TBCK: variants seen among roughly 807,000 people sequenced by gnomAD.
TBCK encodes the protein TBC1 domain containing kinase.
A neutral mutation model predicts 113.4 loss-of-function variants in TBCK; 99 were observed. The observed-to-expected ratio is 0.87, with a 90% CI of 0.74 to 1.03. The LOEUF is 1.03. TBCK is among the 50% of genes least tolerant of loss of function. The pLI is 0.00. For synonymous variants in TBCK, 369 were observed against 370.8 expected (o/e 1.00, Z 0.05); for missense variants, 1,045 against 1,061.3 (o/e 0.98, Z 0.21).
chr4:106,287,401 G>A (rs185399621), intron 3 of TBCK, among the ~76,000 whole-genome samples: 1 of 152,186 alleles, frequency 6.6e-6, no homozygotes, highest in East Asian at 1.9e-4. Flanking sequence ...AAAAGTATTT[G>A]TATGGTCTCT....
upstream of TBCK, chr4:106,316,314 C>T (rs535296760): frequency 2.9e-5 from 14 of 476,198 alleles, no homozygotes; most frequent in Non-Finnish European, 4.9e-5. Context: ...CCAAACTGGC[C>T]ACGAAAGGAC....
intron 19 of TBCK, among the ~76,000 whole-genome samples, chr4:106,223,115 A>G (rs1297687278): frequency 6.6e-6 from 1 of 152,140 alleles, no homozygotes; most frequent in Non-Finnish European, 1.5e-5. Flanking sequence ...TATATACTAC[A>G]ATCTCCAAAT....
rs1455644988 is a variant in TBCK, at chr4:106,063,432, T to C, written c.2572-16752A>G. ...ATATTAATCTGAAGAACTAGATAGA[T>C]ACTATCTGGAGCTAGAGAAGTTTAA... On this transcript the variant is annotated intron_variant, in intron 25 of 25. Coordinates refer to ENST00000394708, the MANE Select transcript of TBCK (RefSeq NM_001163435.3). 2.6e-5 allele frequency among the ~76,000 whole-genome samples: 4 copies of C among 151,980 alleles called. No individual in the cohort carries two copies. The East Asian group carries it at 7.8e-4, about 29-fold the overall frequency.
At chr4:106,223,318 C>T (rs1321983519) in intron 19 of TBCK, among the ~76,000 whole-genome samples, 1 of 152,102 alleles carries the variant, frequency 6.6e-6, no homozygotes, top group Non-Finnish European at 1.5e-5. Flanking sequence ...TTTTATACCC[C>T]ACCTTTGACA....
intron 20 of TBCK, among the ~76,000 whole-genome samples, chr4:106,208,375 T>A (rs1755765891): frequency 6.6e-6 from 1 of 152,088 alleles, no homozygotes; most frequent in African/African-American, 2.4e-5. Flanking sequence ...CCTAATTAGT[T>A]TTTTACACTG....
intron 25 of TBCK, among the ~76,000 whole-genome samples, chr4:106,069,880 C>T (rs1363828864): frequency 6.6e-6 from 1 of 152,068 alleles, no homozygotes; most frequent in Non-Finnish European, 1.5e-5. Context: ...AGTTGGATTC[C>T]TAGGTATTTC....
At chr4:106,225,466 TTG>T (rs1758132889) in intron 19 of TBCK, among the ~76,000 whole-genome samples, 2 of 149,474 alleles carry the variant, frequency 1.3e-5, no homozygotes, top group African/African-American at 2.4e-5. Flanking sequence ...GGTCTTTTTT[TTG>T]TTTGTTTTTG....
chr4:106,204,115 C>T (rs1485488710), intron 20 of TBCK, among the ~76,000 whole-genome samples: 1 of 151,920 alleles, frequency 6.6e-6, no homozygotes, highest in African/African-American at 2.4e-5. Context: ...AGAACAATAC[C>T]CCTTAACAAT....
chr4:106,227,828 T>C (rs1199626546), intron 19 of TBCK, among the ~76,000 whole-genome samples: 3 of 151,886 alleles, frequency 2.0e-5, no homozygotes, highest in Non-Finnish European at 4.4e-5. Context: ...ACACAGAATC[T>C]TGTTGAAAGG....
chr4:106,097,979 T>G lies in TBCK; in HGVS notation c.2412-2338A>C, dbSNP rs546209635. Reference sequence around the variant, plus strand: ...AAATCTGGCAAGGAAAGAGACATGATAGAGAATATGTTGAGATAAGCACAT... The same window carrying G: ...AAATCTGGCAAGGAAAGAGACATGAGAGAGAATATGTTGAGATAAGCACAT... On this transcript the variant is annotated intron_variant, in intron 24 of 25. Coordinates refer to ENST00000394708, the MANE Select transcript of TBCK (RefSeq NM_001163435.3). Among the ~76,000 whole-genome samples, 3 of 152,150 alleles carry G rather than the reference T, an allele frequency of 2.0e-5. No individual in the cohort carries two copies. In the East Asian group the frequency reaches 5.8e-4, roughly 29 times the overall value.
At position 106,080,855 on chromosome 4, in the gene TBCK, CA is replaced by C. The variant is rs1237180340; in HGVS notation, c.2571+14626del. 2.0e-5 allele frequency among the ~76,000 whole-genome samples: 3 copies of C among 151,940 alleles called. No individual in the cohort carries two copies. In the East Asian group the frequency reaches 5.8e-4, roughly 29 times the overall value. ...AAAAAAAAACCCATTAGAAAGTGGA[CA>C]AAAAACATGAACAGATACCTCTCAA... On this transcript the variant is annotated intron_variant, in intron 25 of 25. Coordinates refer to ENST00000394708, the MANE Select transcript of TBCK (RefSeq NM_001163435.3).
intron 20 of TBCK, among the ~76,000 whole-genome samples, chr4:106,209,498 A>T (rs1380449626): frequency 1.3e-5 from 2 of 152,158 alleles, no homozygotes; most frequent in Admixed American, 6.5e-5. Context: ...TTTCTTAGAT[A>T]AAAAAATACA....
intron 6 of TBCK, 87 bp downstream of exon 6, chr4:106,251,779 C>A: frequency 1.7e-6 from 2 of 1,178,568 alleles, no homozygotes; most frequent in South Asian, 5.8e-5. Flanking sequence ...ACAGCAAAAA[C>A]ATACTATTAT....
intron 17 of TBCK, among the ~76,000 whole-genome samples, chr4:106,232,134 A>T (rs72891675): frequency 0.027 from 4,095 of 151,936 alleles, 179 homozygotes; most frequent in African/African-American, 0.094. Context: ...TTTCTCATCT[A>T]GGACATGGAG....
chr4:106,086,510 G>A (rs993604460), intron 25 of TBCK, among the ~76,000 whole-genome samples: 1 of 152,158 alleles, frequency 6.6e-6, no homozygotes, highest in Non-Finnish European at 1.5e-5. Flanking sequence ...AATACAAAGA[G>A]GAGCTGGTAC....
intron 25 of TBCK, among the ~76,000 whole-genome samples, chr4:106,093,475 C>A (rs908119271): frequency 1.3e-5 from 2 of 152,176 alleles, no homozygotes; most frequent in Non-Finnish European, 2.9e-5. Flanking sequence ...CCACTGCACT[C>A]CAGCCTGGGC....
chr4:106,217,374 T>A (rs1036971220), intron 19 of TBCK, among the ~76,000 whole-genome samples: 10 of 152,034 alleles, frequency 6.6e-5, no homozygotes, highest in African/African-American at 2.4e-4. Context: ...CCAGGGCAAT[T>A]AGGCAGGAGA....
intron 3 of TBCK, among the ~76,000 whole-genome samples, chr4:106,273,884 G>T (rs1763751513): frequency 6.6e-6 from 1 of 152,226 alleles, no homozygotes. Flanking sequence ...CTAATTTGTT[G>T]CAGTAGCCAT....
chr4:106,078,579 C>T (rs1738496830), intron 25 of TBCK, among the ~76,000 whole-genome samples: 1 of 151,884 alleles, frequency 6.6e-6, no homozygotes, highest in African/African-American at 2.4e-5. Flanking sequence ...TAAGATTGAA[C>T]CAGGAAGAAA....
Sources: gnomAD v4.1 joint callset for allele counts (sites outside exome capture counted in the v4.1 genomes callset) on GRCh38, gnomAD v4.1.1 for gene constraint, MANE v1.5 for transcripts, NCBI Gene and HGNC (gene_info 2026-07-23, HGNC 2026-07-21) for gene names.